The following STK32B variants were observed in gnomAD, a reference collection of about 807,000 sequenced individuals.
STK32B encodes serine/threonine-protein kinase 32B.
STK32B carries 43 observed loss-of-function variants against 52.6 expected under a neutral mutation model. The observed-to-expected ratio is 0.82, with a 90% CI of 0.64 to 1.05. The LOEUF (loss-of-function observed/expected upper bound fraction) is 1.05. Ranked by LOEUF, STK32B falls within the 50% of genes least tolerant of loss-of-function variation. STK32B has a pLI of 0.00. For synonymous variants in STK32B, 238 were observed against 204.3 expected, an observed-to-expected ratio of 1.17 and a Z score of -1.41; for missense variants, 621 against 534.6, an observed-to-expected ratio of 1.16 and a Z score of -1.59.
chr4:5,476,543 A>G lies in STK32B; in HGVS notation c.1106+8473A>G, dbSNP rs148713089. Among the ~76,000 whole-genome samples, 8 of 152,000 alleles carry G rather than the reference A, an allele frequency of 5.3e-5. No individual in the cohort carries two copies. The East Asian group carries it at 7.8e-4, about 15-fold the overall frequency. On this transcript the variant is annotated intron_variant, in intron 11 of 11. Transcript: ENST00000282908. ...TTGATTTCCACTGCTTAATCTAGCT[A>G]TCACACACCCTGGCTTCTTATGAAA...
At chr4:5,239,596 T>G (rs976740856) in intron 3 of STK32B, among the ~76,000 whole-genome samples, 2 of 152,052 alleles carry the variant, frequency 1.3e-5, no homozygotes, top group African/African-American at 4.8e-5. Flanking sequence ...GCACTGAGTG[T>G]GCACCCAACT....
At chr4:5,324,021 C>G (rs1731709187) in intron 3 of STK32B, among the ~76,000 whole-genome samples, 1 of 152,202 alleles carries the variant, frequency 6.6e-6, no homozygotes, top group African/African-American at 2.4e-5. Flanking sequence ...TAACTCCTAT[C>G]TCAAAGGATT....
intron 6 of STK32B, among the ~76,000 whole-genome samples, chr4:5,437,372 T>C (rs1395854281): frequency 6.6e-6 from 1 of 152,246 alleles, no homozygotes; most frequent in Non-Finnish European, 1.5e-5. Flanking sequence ...TTCTGCCTCT[T>C]TGAGCTTCCA....
chr4:5,019,625 G>A, the STK32B span, among the ~76,000 whole-genome samples: 4 of 152,222 alleles, frequency 2.6e-5, no homozygotes, highest in Non-Finnish European at 4.4e-5. Context: ...TCTCAGACAC[G>A]AAAGCCCCAG....
chr4:5,326,989 G>A (rs1183119349), intron 3 of STK32B, among the ~76,000 whole-genome samples: 1 of 152,054 alleles, frequency 6.6e-6, no homozygotes, highest in Non-Finnish European at 1.5e-5. Flanking sequence ...AACCTCTTGT[G>A]TCATTTTAAC....
chr4:5,337,444 G>A (rs551011511), intron 4 of STK32B, among the ~76,000 whole-genome samples: 1 of 152,098 alleles, frequency 6.6e-6, no homozygotes, highest in Non-Finnish European at 1.5e-5. Context: ...CAAAATGAAT[G>A]AATGAATCAA....
At chr4:5,033,708 ACT>A in the STK32B span, among the ~76,000 whole-genome samples, 214 of 152,234 alleles carry the variant, frequency 1.4e-3, 8 homozygotes, top group South Asian at 0.043. Flanking sequence ...CTTCCAGTGC[ACT>A]CTCTGTTTAC....
At chr4:5,290,660 T>C (rs1279150449) in intron 3 of STK32B, among the ~76,000 whole-genome samples, 1 of 152,206 alleles carries the variant, frequency 6.6e-6, no homozygotes, top group Non-Finnish European at 1.5e-5. Flanking sequence ...ACTTTTACTT[T>C]AAGGATACAT....
At chr4:5,481,313 T>G (rs1310602845) in intron 11 of STK32B, among the ~76,000 whole-genome samples, 1 of 152,244 alleles carries the variant, frequency 6.6e-6, no homozygotes, top group Non-Finnish European at 1.5e-5. Context: ...TGGTTTTGAT[T>G]TGCATTTCTC....
intron 3 of STK32B, among the ~76,000 whole-genome samples, chr4:5,255,174 G>C (rs1726211742): frequency 6.6e-6 from 1 of 152,094 alleles, no homozygotes; most frequent in Non-Finnish European, 1.5e-5. Context: ...TGCTCTAAAG[G>C]AAATGAACAT....
intron 11 of STK32B, among the ~76,000 whole-genome samples, chr4:5,494,617 G>T (rs375365622): frequency 0.066 from 10,043 of 152,108 alleles, 363 homozygotes; most frequent in African/African-American, 0.1. Context: ...ATCCTGTCAT[G>T]ATGATGTTAG....
At chr4:5,165,464 C>T (rs1438974531) in intron 2 of STK32B, among the ~76,000 whole-genome samples, 4 of 152,136 alleles carry the variant, frequency 2.6e-5, no homozygotes, top group African/African-American at 4.8e-5. Context: ...TCTGAAGGGA[C>T]GCAGCCCCGG....
intron 3 of STK32B, among the ~76,000 whole-genome samples, chr4:5,262,900 C>T (rs1220319998): frequency 6.6e-6 from 1 of 152,034 alleles, no homozygotes; most frequent in Non-Finnish European, 1.5e-5. Flanking sequence ...ACATTTATTA[C>T]ATTAATAATG....
chr4:5,330,688 G>A (rs1232122212), intron 3 of STK32B, among the ~76,000 whole-genome samples: 2 of 152,192 alleles, frequency 1.3e-5, no homozygotes, highest in Non-Finnish European at 2.9e-5. Context: ...GCTTGCATCT[G>A]GCTGGGTTCC....
intron 3 of STK32B, among the ~76,000 whole-genome samples, chr4:5,328,744 A>G (rs1732035704): frequency 6.6e-6 from 1 of 152,264 alleles, no homozygotes; most frequent in African/African-American, 2.4e-5. Flanking sequence ...TGACACTGAT[A>G]GACTTACTGG....
intron 6 of STK32B, among the ~76,000 whole-genome samples, chr4:5,440,799 G>C (rs1206085938): frequency 2.0e-5 from 3 of 152,040 alleles, no homozygotes; most frequent in Non-Finnish European, 2.9e-5. Context: ...AATTTATTGA[G>C]AGTTTTTAGC....
chr4:5,253,306 G>C (rs10000362), intron 3 of STK32B, among the ~76,000 whole-genome samples: 39,044 of 151,924 alleles, frequency 0.26, 6,118 homozygotes, highest in African/African-American at 0.43. Context: ...ACCAGGTGTT[G>C]TTCTTGGGCA....
Position 5,414,978 on chromosome 4 carries a change from T to C in STK32B, c.473-1867T>C, listed in dbSNP as rs549006140. On this transcript the variant is annotated intron_variant, in intron 5 of 11. Coordinates refer to ENST00000282908, the MANE Select transcript of STK32B (RefSeq NM_018401.3). Reference sequence around the variant, plus strand: ...AGTCCTCTTCCAATGCTGACATGTGTCACTCTGTTTGGAACTGTGTGGGTG... The same window carrying C: ...AGTCCTCTTCCAATGCTGACATGTGCCACTCTGTTTGGAACTGTGTGGGTG... 3.3e-5 allele frequency among the ~76,000 whole-genome samples: 5 copies of C among 152,366 alleles called. No individual in the cohort carries two copies. The East Asian group carries it at 5.8e-4, about 18-fold the overall frequency.
intron 2 of STK32B, among the ~76,000 whole-genome samples, chr4:5,156,639 C>G (rs369990045): frequency 6.6e-6 from 1 of 152,144 alleles, no homozygotes. Context: ...GAGTGAGCTT[C>G]GAAAGTGTCT....
Sources: allele counts gnomAD v4.1 joint callset (sites outside exome capture counted in the v4.1 genomes callset), GRCh38; gene constraint gnomAD v4.1.1; transcripts MANE v1.5; gene names NCBI Gene and HGNC (gene_info 2026-07-23, HGNC 2026-07-21).